The following PTPRD variants were observed in gnomAD, a reference collection of about 807,000 sequenced individuals.
PTPRD encodes the protein protein tyrosine phosphatase receptor type D.
PTPRD carries 34 observed loss-of-function variants against 214.5 expected under a neutral mutation model. The ratio of observed to expected loss-of-function variants is 0.16; its 90% confidence interval spans 0.12 to 0.21. The LOEUF (loss-of-function observed/expected upper bound fraction) is 0.21, where lower values mean the gene tolerates loss of function less well. Ranked by LOEUF, PTPRD falls within the 10% of genes least tolerant of loss-of-function variation. The probability of loss-of-function intolerance (pLI) is 1.00; values close to 1 mark genes in which losing one functional copy is unlikely to be tolerated. For missense variants in PTPRD, 2,545 were observed against 2,398.7 expected (o/e 1.06, Z -1.27); for synonymous variants, 1,128 against 845.7 (o/e 1.33, Z -5.79).
intron 2 of PTPRD, among the ~76,000 whole-genome samples, chr9:10,355,538 G>A (rs934721147): frequency 1.3e-5 from 2 of 151,212 alleles, no homozygotes; most frequent in South Asian, 4.2e-4. Flanking sequence ...GAGTGCAACG[G>A]CACGATCTCA....
chr9:8,573,469 T>G (rs997871176), intron 14 of PTPRD, among the ~76,000 whole-genome samples: 2 of 151,956 alleles, frequency 1.3e-5, no homozygotes, highest in African/African-American at 4.8e-5. Context: ...CAAACAATAC[T>G]GAAGATACTC....
chr9:10,440,993 A>G (rs963520797), intron 2 of PTPRD, among the ~76,000 whole-genome samples: 5 of 151,746 alleles, frequency 3.3e-5, no homozygotes, highest in Non-Finnish European at 5.9e-5. Flanking sequence ...TCTTACTTCA[A>G]AGAAATAGCA....
At chr9:8,325,344 A>G (rs544442024) in intron 44 of PTPRD, among the ~76,000 whole-genome samples, 1 of 149,474 alleles carries the variant, frequency 6.7e-6, no homozygotes, top group African/African-American at 2.4e-5. Flanking sequence ...TTTATTAAAT[A>G]GAGGAGCCTT....
intron 9 of PTPRD, among the ~76,000 whole-genome samples, chr9:9,236,187 A>T (rs1484673424): frequency 6.6e-6 from 1 of 152,116 alleles, no homozygotes; most frequent in Non-Finnish European, 1.5e-5. Flanking sequence ...CAGGAGGTGG[A>T]GGCTGCAGTG....
chr9:10,452,084 C>A (rs535393590), intron 2 of PTPRD, among the ~76,000 whole-genome samples: 1 of 151,940 alleles, frequency 6.6e-6, no homozygotes, highest in South Asian at 2.1e-4. Flanking sequence ...GTAGAAGAAG[C>A]TTCAAGTTCA....
intron 3 of PTPRD, among the ~76,000 whole-genome samples, chr9:10,082,840 A>AACACACAC (rs59362209): frequency 7.0e-5 from 9 of 128,232 alleles, no homozygotes; most frequent in South Asian, 2.5e-4. Context: ...CACACACACA[A>AACACACAC]ACACACACAC....
At chr9:10,490,212 G>C (rs2039744290) in intron 2 of PTPRD, among the ~76,000 whole-genome samples, 1 of 152,082 alleles carries the variant, frequency 6.6e-6, no homozygotes. Context: ...TGGTAGACAG[G>C]AGAAAATGAT....
At chr9:9,920,287 T>C (rs1202653520) in intron 5 of PTPRD, among the ~76,000 whole-genome samples, 3 of 152,126 alleles carry the variant, frequency 2.0e-5, no homozygotes, top group African/African-American at 7.2e-5. Flanking sequence ...AGCTGATTTG[T>C]CTTCTTGTTT....
At chr9:9,391,482 C>G (rs1241828054) in intron 9 of PTPRD, among the ~76,000 whole-genome samples, 1 of 152,138 alleles carries the variant, frequency 6.6e-6, no homozygotes, top group South Asian at 2.1e-4. Context: ...ATGCATGTGC[C>G]AAAATATAAC....
chr9:8,636,155 A>G (rs769023178), intron 13 of PTPRD, among the ~76,000 whole-genome samples: 10 of 152,206 alleles, frequency 6.6e-5, no homozygotes, highest in Non-Finnish European at 1.2e-4. Context: ...CTTAGCATCC[A>G]TTCCCATTCT....
chr9:10,587,557 G>A (rs908167036), intron 2 of PTPRD, among the ~76,000 whole-genome samples: 2 of 151,882 alleles, frequency 1.3e-5, no homozygotes, highest in Non-Finnish European at 2.9e-5. Flanking sequence ...TGAGGAGTTG[G>A]TTTTGTTAAA....
chr9:8,323,560 G>C (rs143559540), intron 44 of PTPRD, among the ~76,000 whole-genome samples: 47 of 152,270 alleles, frequency 3.1e-4, no homozygotes, highest in Non-Finnish European at 5.7e-4. Flanking sequence ...GGATGACTTT[G>C]AGGGGTTCAA....
intron 3 of PTPRD, among the ~76,000 whole-genome samples, chr9:10,176,623 C>T (rs968455662): frequency 6.6e-6 from 1 of 151,856 alleles, no homozygotes; most frequent in Non-Finnish European, 1.5e-5. Flanking sequence ...GCACATAAAT[C>T]ATACAAATAA....
Position 10,147,768 on chromosome 9 carries a change from C to T in PTPRD, c.-544-113978G>A, listed in dbSNP as rs1380762432. On this transcript the variant is annotated intron_variant, in intron 3 of 45. Transcript: ENST00000381196. Reference sequence around the variant, plus strand: ...TGCGGCAGGCTCCTGTAATCCCAGCCACTTAAGAGGCTCAGGCAAGAGAAT... The same window carrying T: ...TGCGGCAGGCTCCTGTAATCCCAGCTACTTAAGAGGCTCAGGCAAGAGAAT... 2.0e-5 allele frequency among the ~76,000 whole-genome samples: 3 copies of T among 152,172 alleles called. No homozygotes were observed. The South Asian group carries it at 6.2e-4, about 32-fold the overall frequency.
At chr9:9,956,661 G>A (rs1182029088) in intron 4 of PTPRD, among the ~76,000 whole-genome samples, 2 of 151,978 alleles carry the variant, frequency 1.3e-5, no homozygotes, top group African/African-American at 4.8e-5. Flanking sequence ...GGACATATGT[G>A]AATGAGACAA....
intron 5 of PTPRD, among the ~76,000 whole-genome samples, chr9:9,927,260 T>C (rs1276002082): frequency 1.3e-5 from 2 of 152,174 alleles, no homozygotes; most frequent in Non-Finnish European, 2.9e-5. Context: ...AAAGAACTCT[T>C]CGGGCGAACA....
chr9:9,433,677 A>G (rs2084084846), intron 8 of PTPRD, among the ~76,000 whole-genome samples: 1 of 152,220 alleles, frequency 6.6e-6, no homozygotes. Flanking sequence ...AATAGATTTT[A>G]CACAGATACA....
At chr9:8,794,573 G>A (rs1333462172) in intron 11 of PTPRD, among the ~76,000 whole-genome samples, 2 of 149,670 alleles carry the variant, frequency 1.3e-5, no homozygotes, top group African/African-American at 4.9e-5. Context: ...CCAACTCTTG[G>A]GCTCAAGCAA....
rs138657518 is a variant in PTPRD, at chr9:9,409,658, G to A, written c.-236-12176C>T. Among the ~76,000 whole-genome samples the A allele has an allele frequency of 8.7e-3, 1,322 of 152,074 alleles. 11 individuals carry two copies. Among genetic ancestry groups the A allele is most frequent in the Non-Finnish European group, 0.014 (958 of 67,908 alleles). ...AAGCAAAGGAACCCACCATAAGGGA[G>A]AATCAGTAACTACAATAAGCTGAAA... On this transcript the variant is annotated intron_variant, in intron 8 of 45. Coordinates refer to ENST00000381196, the MANE Select transcript of PTPRD (RefSeq NM_002839.4).
Sources: allele counts gnomAD v4.1 joint callset (sites outside exome capture counted in the v4.1 genomes callset), GRCh38; gene constraint gnomAD v4.1.1; transcripts MANE v1.5; gene names NCBI Gene and HGNC (gene_info 2026-07-23, HGNC 2026-07-21).